The following CUX2 variants were observed in gnomAD, a reference collection of about 807,000 sequenced individuals.
The protein encoded by CUX2 is cut like homeobox 2.
Under a neutral mutation model 144.8 loss-of-function variants are expected in CUX2, and 40 were observed. That is an observed-to-expected ratio of 0.28 (90% confidence interval 0.21 to 0.36). CUX2 has a LOEUF of 0.36. Ranked by LOEUF, CUX2 falls within the 10% of genes least tolerant of loss-of-function variation. The pLI, the probability that CUX2 is intolerant of heterozygous loss-of-function variation, is 1.00. For synonymous variants in CUX2, 827 were observed against 875.6 expected (o/e 0.94, Z 0.98); for missense variants, 1,615 against 1,994.0 (o/e 0.81, Z 3.62).
intron 3 of CUX2, among the ~76,000 whole-genome samples, chr12:111,262,413 C>G (rs1017790910): frequency 6.9e-6 from 1 of 145,428 alleles, no homozygotes; most frequent in East Asian, 2.0e-4. Context: ...GGGTCTCACT[C>G]TATTGCCCAG....
In CUX2 at chr12:111,124,123, G is replaced by T. The variant is rs747557428; in HGVS notation, c.63+89883G>T. 9.9e-5 allele frequency among the ~76,000 whole-genome samples: 15 copies of T among 152,232 alleles called. 1 individual carries two copies. Among genetic ancestry groups the T allele is most frequent in the Admixed American group, 7.2e-4 (11 of 15,304 alleles). Reference sequence around the variant, plus strand: ...ATTTTTATTCCCCCAAAAGGAAACCGCATACCCCTGAGCAGTGTAGGGGCC... The same window carrying T: ...ATTTTTATTCCCCCAAAAGGAAACCTCATACCCCTGAGCAGTGTAGGGGCC... On this transcript the variant is annotated intron_variant, in intron 1 of 21. Coordinates refer to ENST00000261726, the MANE Select transcript of CUX2 (RefSeq NM_015267.4).
rs376542470 is a variant in CUX2 at position 111,338,064 on chromosome 12, T to C, written c.3197-222T>C. ...AAGAAAAAAAAAAAAAGCTCTTTTG[T>C]TGGTTGCTGCCTCGTCCTGCCCCCA... On this transcript the variant is annotated intron_variant, in intron 19 of 21. Transcript: ENST00000261726. 2.6e-5 allele frequency among the ~76,000 whole-genome samples: 4 copies of C among 152,088 alleles called. No individual in the cohort carries two copies. In the East Asian group the frequency reaches 7.7e-4, roughly 29 times the overall value.
intron 4 of CUX2, among the ~76,000 whole-genome samples, chr12:111,284,273 G>A (rs1163154229): frequency 1.3e-5 from 2 of 152,150 alleles, no homozygotes; most frequent in African/African-American, 4.8e-5. Flanking sequence ...TTTGGACAGG[G>A]GAACCAGAGA....
intron 1 of CUX2, among the ~76,000 whole-genome samples, chr12:111,169,566 C>T (rs897474583): frequency 3.3e-5 from 5 of 152,170 alleles, no homozygotes; most frequent in African/African-American, 1.2e-4. Flanking sequence ...CTAACCAGCC[C>T]TGAGGATGGA....
intron 1 of CUX2, among the ~76,000 whole-genome samples, chr12:111,147,084 G>A (rs941581906): frequency 1.3e-5 from 2 of 152,178 alleles, no homozygotes; most frequent in South Asian, 2.1e-4. Flanking sequence ...CCAGTGAGCC[G>A]AGATCATGCC....
chr12:111,065,404 G>A (rs1870977853), intron 1 of CUX2, among the ~76,000 whole-genome samples: 2 of 152,194 alleles, frequency 1.3e-5, no homozygotes, highest in Non-Finnish European at 2.9e-5. Flanking sequence ...CACGATCTCG[G>A]CTCACTGCAA....
intron 18 of CUX2, among the ~76,000 whole-genome samples, chr12:111,324,350 C>CAA (rs763180221): frequency 1.9e-4 from 14 of 73,110 alleles, no homozygotes; most frequent in Non-Finnish European, 5.2e-5. Flanking sequence ...GACTCTGTCT[C>CAA]AAAAAAAAAA....
At chr12:111,274,851 G>A (rs539387024) in intron 4 of CUX2, among the ~76,000 whole-genome samples, 1 of 151,798 alleles carries the variant, frequency 6.6e-6, no homozygotes, top group Non-Finnish European at 1.5e-5. Flanking sequence ...AGCCTTTCCG[G>A]CTCTGTGTTT....
intron 1 of CUX2, among the ~76,000 whole-genome samples, chr12:111,084,972 C>T (rs1443369236): frequency 6.6e-6 from 1 of 152,202 alleles, no homozygotes; most frequent in East Asian, 1.9e-4. Context: ...CTTTTATTCT[C>T]TTGGTATTCA....
In CUX2 at chr12:111,100,060, G is replaced by A. The variant is rs953270861; in HGVS notation, c.63+65820G>A. ...TGACGGGCCCTCGGAGCGGGGCTGT[G>A]TCTGGACACTTCTGGGAGCCTTGGA... On this transcript the variant is annotated intron_variant, in intron 1 of 21. Transcript: ENST00000261726. 13 of 456,700 alleles carry A rather than the reference G, an allele frequency of 2.8e-5. No homozygotes were observed. The Admixed American group carries it at 3.1e-4, about 11-fold the overall frequency. The allele number at this position is 456,700 out of a possible 1,614,324, so 28.3% of individuals were successfully genotyped here. A position where few individuals can be genotyped will look rare whatever the true frequency, so the allele number is the denominator to read the frequency against.
At position 111,293,728 on chromosome 12, in the gene CUX2, T is replaced by G. The variant is rs1368435530; in HGVS notation, c.560+159T>G. 6.6e-6 allele frequency among the ~76,000 whole-genome samples: 1 copy of G among 151,898 alleles called. No individual in the cohort carries two copies. The highest frequency in any genetic ancestry group is 1.5e-5 in the Non-Finnish European group (1 of 67,976). On this transcript the variant is annotated intron_variant, in intron 6 of 21. Coordinates refer to ENST00000261726, the MANE Select transcript of CUX2 (RefSeq NM_015267.4). This position sits in a 1 kb window ranked among gnomAD's most constrained non-coding sequence, Gnocchi z 4.5. ...CCGAGGGCTTTGGACTCCAACCGGG[T>G]CTGGGTTCAAGTTCCACTGCAGGAA...
At chr12:111,288,449 A>G (rs1486269919) in intron 4 of CUX2, among the ~76,000 whole-genome samples, 1 of 152,018 alleles carries the variant, frequency 6.6e-6, no homozygotes, top group Non-Finnish European at 1.5e-5. Flanking sequence ...AGCAGACTCC[A>G]GGGATACCTA....
At chr12:111,071,163 G>T (rs1342979053) in intron 1 of CUX2, among the ~76,000 whole-genome samples, 4 of 151,438 alleles carry the variant, frequency 2.6e-5, no homozygotes, top group Admixed American at 6.6e-5. Context: ...GGATCATATG[G>T]TAAGAGTATG....
chr12:111,202,416 G>A (rs1880649564), intron 1 of CUX2, among the ~76,000 whole-genome samples: 1 of 152,164 alleles, frequency 6.6e-6, no homozygotes, highest in South Asian at 2.1e-4. Context: ...AGATAATTAG[G>A]CGTTTGATTG....
At chr12:111,291,372 C>T in intron 4 of CUX2, 46 bp from the exon 5 acceptor site, 3 of 1,551,310 alleles carry the variant, frequency 1.9e-6, no homozygotes, top group Non-Finnish European at 2.6e-6. Flanking sequence ...CCGGGTGTCC[C>T]TATCCATCAG....
At chr12:111,208,244 G>A (rs1300088101) in intron 1 of CUX2, among the ~76,000 whole-genome samples, 1 of 151,886 alleles carries the variant, frequency 6.6e-6, no homozygotes, top group Non-Finnish European at 1.5e-5. Flanking sequence ...GTGGCCTTAG[G>A]GGGATATGTC....
intron 3 of CUX2, among the ~76,000 whole-genome samples, chr12:111,259,033 G>C (rs12312503): frequency 2.7e-4 from 28 of 102,826 alleles, no homozygotes; most frequent in Admixed American, 1.6e-3. Flanking sequence ...ACACCCAGCT[G>C]TGTGTGTGTG....
chr12:111,174,457 A>T lies in CUX2; in HGVS notation c.64-39743A>T, dbSNP rs551027458. On this transcript the variant is annotated intron_variant, in intron 1 of 21. Coordinates refer to ENST00000261726, the MANE Select transcript of CUX2 (RefSeq NM_015267.4). ...TTGACGTGACATTAGCAGTTCCTTG[A>T]GGGTAGGGCTGTGTGTGTCATATGT... Among the ~76,000 whole-genome samples, 3 of 152,306 alleles carry T rather than the reference A, an allele frequency of 2.0e-5. No individual in the cohort carries two copies. The East Asian group carries it at 5.8e-4, about 29-fold the overall frequency.
intron 1 of CUX2, among the ~76,000 whole-genome samples, chr12:111,069,930 T>C (rs1205949136): frequency 6.6e-6 from 1 of 152,130 alleles, no homozygotes. Flanking sequence ...GATACCTGTG[T>C]GGGCTTCAGT....
Sources: allele counts gnomAD v4.1 joint callset (sites outside exome capture counted in the v4.1 genomes callset), GRCh38; gene constraint gnomAD v4.1.1; non-coding constraint Gnocchi (gnomAD v3.1); transcripts MANE v1.5; gene names NCBI Gene and HGNC (gene_info 2026-07-23, HGNC 2026-07-21).